Variants in RNF152 observed in about 807,000 individuals in gnomAD.
RNF152 encodes the protein E3 ubiquitin-protein ligase RNF152.
RNF152 carries 11 observed loss-of-function variants against 12.7 expected under a neutral mutation model. That is an observed-to-expected ratio of 0.86 (90% CI 0.54 to 1.43). RNF152 has a LOEUF of 1.43. Among genes scored for constraint, RNF152 ranks in the 40% most tolerant of loss-of-function variants. The probability of loss-of-function intolerance (pLI) is 0.00; values close to 1 mark genes in which losing one functional copy is unlikely to be tolerated. For synonymous variants in RNF152, 113 were observed against 120.3 expected, an observed-to-expected ratio of 0.94 and a Z score of 0.40; for missense variants, 255 against 274.8, an observed-to-expected ratio of 0.93 and a Z score of 0.51.
Position 61,829,942 on chromosome 18 carries a change from T to G in RNF152, c.-135-13344A>C, listed in dbSNP as rs545472785. ...TATTGCTATTAATATTCTTACTATT[T>G]TAGCCATTTGAAAGTGTACAATTCA... On this transcript the variant is annotated intron_variant, in intron 1 of 1. Transcript: ENST00000312828. Among the ~76,000 whole-genome samples, 3 of 152,244 alleles carry G rather than the reference T, an allele frequency of 2.0e-5. No homozygotes were observed. The South Asian group carries it at 6.2e-4, about 32-fold the overall frequency.
chr18:61,825,325 T>C (rs908830717), intron 1 of RNF152, among the ~76,000 whole-genome samples: 1 of 152,118 alleles, frequency 6.6e-6, no homozygotes, highest in Non-Finnish European at 1.5e-5. Flanking sequence ...GTATGTCCAA[T>C]TGATCATATA....
Position 61,816,215 on chromosome 18 carries a change from G to A in RNF152, c.249C>T (p.His83=). The change falls in exon 2 of 2, where the codon CAC becomes CAT. Residue 83 remains histidine (H), a synonymous_variant. Coordinates refer to ENST00000312828, the MANE Select transcript of RNF152 (RefSeq NM_173557.3). The part of the protein sequence containing the change: ...PEVLAVIAIP[H]TSEHTPVFIK... ...TGAAGACCGGGGTGTGTTCGGAAGT[G>A]TGTGGAATGGCGATGACAGCCAGGA... 2 of 1,614,248 alleles carry A rather than the reference G, an allele frequency of 1.2e-6. No individual in the cohort carries two copies. The highest frequency in any genetic ancestry group is 1.7e-5 in the Admixed American group (1 of 60,034).
At chr18:61,885,780 T>C (rs569381352) in intron 1 of RNF152, among the ~76,000 whole-genome samples, 4 of 152,258 alleles carry the variant, frequency 2.6e-5, no homozygotes, top group African/African-American at 9.6e-5. Context: ...GTAAAACAGA[T>C]GTATATCACA....
intron 1 of RNF152, among the ~76,000 whole-genome samples, chr18:61,832,492 C>T (rs771202759): frequency 1.1e-4 from 17 of 152,142 alleles, no homozygotes; most frequent in Admixed American, 2.0e-4. Flanking sequence ...CAAATAGCTA[C>T]GCATACCCTG....
intron 1 of RNF152, among the ~76,000 whole-genome samples, chr18:61,887,773 C>G (rs1271689383): frequency 2.0e-5 from 3 of 151,402 alleles, no homozygotes; most frequent in African/African-American, 4.9e-5. Context: ...AAAATCTCTT[C>G]AATTCTTGTC....
At chr18:61,833,602 T>C (rs1910049984) in intron 1 of RNF152, among the ~76,000 whole-genome samples, 1 of 152,206 alleles carries the variant, frequency 6.6e-6, no homozygotes, top group African/African-American at 2.4e-5. Flanking sequence ...AGGGCTAACA[T>C]AACTGAACAC....
intron 1 of RNF152, among the ~76,000 whole-genome samples, chr18:61,817,721 T>A (rs1466092737): frequency 6.7e-6 from 1 of 148,746 alleles, no homozygotes; most frequent in Non-Finnish European, 1.5e-5. Context: ...GACAGGGAAG[T>A]CTGGCAAGCA....
chr18:61,867,651 G>A (rs143240883), intron 1 of RNF152, among the ~76,000 whole-genome samples: 56 of 152,222 alleles, frequency 3.7e-4, no homozygotes, highest in East Asian at 2.5e-3. Flanking sequence ...AGGGTGAACC[G>A]TATGTAAACC....
chr18:61,851,883 A>G (rs1037712297), intron 1 of RNF152, among the ~76,000 whole-genome samples: 1 of 152,204 alleles, frequency 6.6e-6, no homozygotes, highest in Non-Finnish European at 1.5e-5. Flanking sequence ...GCTTTCTATC[A>G]TCTTTCTAAC....
chr18:61,869,951 A>C (rs1365270420), intron 1 of RNF152, among the ~76,000 whole-genome samples: 1 of 152,222 alleles, frequency 6.6e-6, no homozygotes. Context: ...AGGATTTGCT[A>C]GAAGCATTTG....
intron 1 of RNF152, among the ~76,000 whole-genome samples, chr18:61,842,671 AAAAG>A (rs1465879684): frequency 2.0e-5 from 3 of 152,218 alleles, no homozygotes; most frequent in African/African-American, 7.2e-5. Context: ...GGCAATTTAC[AAAAG>A]AAAGAGGTTT....
chr18:61,880,254 G>T (rs1270517434), intron 1 of RNF152, among the ~76,000 whole-genome samples: 1 of 152,206 alleles, frequency 6.6e-6, no homozygotes, highest in Non-Finnish European at 1.5e-5. Context: ...ACATTCAACA[G>T]ATGGGTGGCC....
chr18:61,851,979 C>T (rs543566490), intron 1 of RNF152, among the ~76,000 whole-genome samples: 3 of 152,256 alleles, frequency 2.0e-5, no homozygotes, highest in Non-Finnish European at 4.4e-5. Flanking sequence ...ATAATATCCT[C>T]CCTATGACAT....
intron 1 of RNF152, among the ~76,000 whole-genome samples, chr18:61,881,931 T>G (rs966532490): frequency 6.6e-6 from 1 of 152,260 alleles, no homozygotes; most frequent in Non-Finnish European, 1.5e-5. Flanking sequence ...CTTAAATAAC[T>G]TATTGTTTTG....
chr18:61,876,203 A>T (rs1402791290), intron 1 of RNF152, among the ~76,000 whole-genome samples: 1 of 152,080 alleles, frequency 6.6e-6, no homozygotes, highest in Non-Finnish European at 1.5e-5. Flanking sequence ...CAAATACTAC[A>T]TTTTTTGTGA....
chr18:61,821,761 C>T (rs963110582), intron 1 of RNF152, among the ~76,000 whole-genome samples: 16 of 152,202 alleles, frequency 1.1e-4, no homozygotes, highest in African/African-American at 3.4e-4. Flanking sequence ...CCCGTCAGAT[C>T]AGCGATGGCA....
intron 1 of RNF152, among the ~76,000 whole-genome samples, chr18:61,871,671 A>G (rs1307042759): frequency 6.6e-6 from 1 of 152,190 alleles, no homozygotes; most frequent in East Asian, 1.9e-4. Context: ...TGGTATCCCG[A>G]TGCCGAGCCT....
chr18:61,861,119 T>C (rs1464632879), intron 1 of RNF152, among the ~76,000 whole-genome samples: 1 of 152,326 alleles, frequency 6.6e-6, no homozygotes, highest in Non-Finnish European at 1.5e-5. Flanking sequence ...CTATTTGTTA[T>C]AAATTGAGTG....
intron 1 of RNF152, among the ~76,000 whole-genome samples, chr18:61,843,143 C>T (rs28477857): frequency 0.01 from 1,559 of 152,288 alleles, 24 homozygotes; most frequent in African/African-American, 0.036. Context: ...TTTAGAATGC[C>T]AGGTAAGTGC....
Sources: gnomAD v4.1 joint callset for allele counts (sites outside exome capture counted in the v4.1 genomes callset) on GRCh38, gnomAD v4.1.1 for gene constraint, MANE v1.5 for transcripts, NCBI Gene and HGNC (gene_info 2026-07-23, HGNC 2026-07-21) for gene names.